Variants in RHPN2 observed in about 807,000 individuals in gnomAD.
The protein encoded by RHPN2 is rhophilin-2.
In RHPN2, 40 loss-of-function variants were observed where a neutral mutation model predicts 79.0. The observed-to-expected ratio is 0.51, with a 90% CI of 0.39 to 0.66. The LOEUF (loss-of-function observed/expected upper bound fraction) is 0.66, where lower values mean the gene tolerates loss of function less well. Among genes scored for constraint, RHPN2 ranks in the 30% least tolerant of loss-of-function variants. The pLI, the probability that RHPN2 is intolerant of heterozygous loss-of-function variation, is 0.00. For synonymous variants in RHPN2, 285 were observed against 363.5 expected (o/e 0.78, Z 2.46); for missense variants, 686 against 883.5 (o/e 0.78, Z 2.83).
intron 7 of RHPN2, among the ~76,000 whole-genome samples, chr19:33,006,024 C>G (rs1476837131): frequency 6.6e-6 from 1 of 152,020 alleles, no homozygotes; most frequent in Non-Finnish European, 1.5e-5. Context: ...AGACTACAGG[C>G]ATGCACCACC....
intron 2 of RHPN2, among the ~76,000 whole-genome samples, chr19:33,030,887 C>T (rs1223155734): frequency 6.6e-6 from 1 of 152,214 alleles, no homozygotes. Flanking sequence ...AGGCTGCCCC[C>T]ATTTTAGGGA....
At chr19:33,064,509 C>T (rs968550252) in intron 1 of RHPN2, among the ~76,000 whole-genome samples, 1 of 152,190 alleles carries the variant, frequency 6.6e-6, no homozygotes, top group African/African-American at 2.4e-5. Context: ...ACCCAAGCAC[C>T]CCTCCAGGTC....
At chr19:33,026,759 C>T (rs905983544) in intron 2 of RHPN2, 127 bp from the exon 3 acceptor site, 18 of 1,118,960 alleles carry the variant, frequency 1.6e-5, no homozygotes, top group Middle Eastern at 2.6e-4. Context: ...CCAGGAGTGT[C>T]GGTTAAGGTA....
At chr19:33,009,870 C>T (rs1433265120) in intron 6 of RHPN2, among the ~76,000 whole-genome samples, 1 of 152,122 alleles carries the variant, frequency 6.6e-6, no homozygotes, top group Non-Finnish European at 1.5e-5. Context: ...CCTCCACTTC[C>T]CGGATTCAAG....
At position 33,012,666 on chromosome 19, in the gene RHPN2, T is replaced by A. The variant is rs778470982; in HGVS notation, c.449A>T (p.Asp150Val). The A allele has an allele frequency of 1.2e-6, 2 of 1,608,328 alleles. No homozygotes were observed. The highest frequency in any genetic ancestry group is 3.3e-5 in the Admixed American group (2 of 59,982). The change falls in exon 5 of 15, where the codon GAT (aspartate) becomes GTT (valine). Residue 150 changes from aspartate to valine, a missense_variant. Transcript: ENST00000254260. ...DGYLYEDEIA[D>V]LMDLRQACRT... is the part of the protein sequence containing the mutation. ...ACTTACTTGTCTCAGATCCATAAGA[T>A]CTGCAATTTCATCTTCATATAAATA...
At chr19:33,011,828 G>A (rs768562792) in intron 5 of RHPN2, 25 bp from the exon 6 acceptor site, 20 of 1,613,724 alleles carry the variant, frequency 1.2e-5, no homozygotes, top group South Asian at 1.2e-4. Flanking sequence ...ACCCAAGAGG[G>A]CATGAGCAGA....
At chr19:33,055,068 T>C (rs1429092761) in intron 1 of RHPN2, among the ~76,000 whole-genome samples, 1 of 152,202 alleles carries the variant, frequency 6.6e-6, no homozygotes, top group East Asian at 1.9e-4. Context: ...CTTTAAGATC[T>C]GGCTTAGGGC....
intron 11 of RHPN2, among the ~76,000 whole-genome samples, chr19:32,994,398 A>G (rs115742337): frequency 0.34 from 22,351 of 65,606 alleles, 1,689 homozygotes; most frequent in African/African-American, 0.44. Flanking sequence ...TCCGGGGGGA[A>G]AAAAAAAGTG....
chr19:33,045,088 C>T (rs985461657), intron 1 of RHPN2, among the ~76,000 whole-genome samples: 19 of 142,428 alleles, frequency 1.3e-4, no homozygotes, highest in East Asian at 4.2e-4. Flanking sequence ...AGTCTCGCTG[C>T]GTGCCTAGGA....
rs1184172670 is a variant in RHPN2, at chr19:33,064,818, G to T, written c.35C>A (p.Pro12Gln). The change falls in exon 1 of 15, where the codon CCG (proline) becomes CAG (glutamine). Residue 12 changes from proline (P) to glutamine (Q), a missense_variant. Transcript: ENST00000254260. Reference protein sequence around the residue: ...TDALLPAAPQPLEKENDGYFR... With the variant: ...TDALLPAAPQQLEKENDGYFR... ...GTAGCCGTCGTTCTCCTTCTCCAGC[G>T]GCTGGGGGGCCGCGGGCAACAGCGC... The T allele has an allele frequency of 7.4e-7, 1 of 1,358,492 alleles. No homozygotes were observed. The highest frequency in any genetic ancestry group is 1.6e-5 in the African/African-American group (1 of 62,638). The allele number at this position is 1,358,492 out of a possible 1,614,324, so 84.2% of individuals were successfully genotyped here.
intron 2 of RHPN2, among the ~76,000 whole-genome samples, chr19:33,034,605 CAA>C (rs71176187): frequency 3.1e-5 from 3 of 95,686 alleles, no homozygotes; most frequent in South Asian, 4.7e-4. Flanking sequence ...GACTCCGTCT[CAA>C]AAAAAAAAAA....
chr19:33,036,846 G>A (rs1972060670), intron 2 of RHPN2, among the ~76,000 whole-genome samples: 2 of 151,348 alleles, frequency 1.3e-5, no homozygotes, highest in African/African-American at 4.9e-5. Context: ...GCAGGGCTCA[G>A]CACCTGTAGC....
At chr19:32,998,151 A>G (rs550942711) in intron 10 of RHPN2, among the ~76,000 whole-genome samples, 2 of 152,294 alleles carry the variant, frequency 1.3e-5, no homozygotes, top group East Asian at 3.9e-4. Context: ...TCTGGGTCTC[A>G]GTTTCCTCAG....
intron 6 of RHPN2, 118 bp from the exon 7 acceptor site, chr19:33,008,298 C>G: frequency 2.9e-6 from 3 of 1,031,016 alleles, no homozygotes; most frequent in Admixed American, 2.1e-5. Flanking sequence ...GTTGCCCAGG[C>G]TGGAGTGCAG....
chr19:33,052,522 C>G (rs190038088), intron 1 of RHPN2, among the ~76,000 whole-genome samples: 39 of 152,322 alleles, frequency 2.6e-4, no homozygotes, highest in African/African-American at 8.7e-4. Flanking sequence ...TTCCTGGTTA[C>G]GCAATCCCTC....
At chr19:33,016,649 C>G (rs1192220274) in intron 4 of RHPN2, among the ~76,000 whole-genome samples, 1 of 152,030 alleles carries the variant, frequency 6.6e-6, no homozygotes, top group African/African-American at 2.4e-5. Context: ...CCACTGCACT[C>G]CAGCCTGGGC....
chr19:33,031,093 G>A (rs963992987), intron 2 of RHPN2, among the ~76,000 whole-genome samples: 27 of 152,068 alleles, frequency 1.8e-4, no homozygotes, highest in African/African-American at 5.8e-4. Flanking sequence ...AGGTGTACAC[G>A]GCAAGTTATG....
At chr19:33,026,154 T>C (rs1384073167) in intron 3 of RHPN2, among the ~76,000 whole-genome samples, 2 of 146,754 alleles carry the variant, frequency 1.4e-5, no homozygotes, top group African/African-American at 5.0e-5. Flanking sequence ...CGCCTGGCTA[T>C]TTTTTTTTTT....
intron 14 of RHPN2, among the ~76,000 whole-genome samples, chr19:32,990,165 G>GAAAGAA (rs373722067): frequency 2.0e-5 from 3 of 149,630 alleles, no homozygotes; most frequent in Admixed American, 6.7e-5. Flanking sequence ...AAGAAAGAAA[G>GAAAGAA]AGCGAGCCAG....
Sources: allele counts gnomAD v4.1 joint callset (sites outside exome capture counted in the v4.1 genomes callset), GRCh38; gene constraint gnomAD v4.1.1; transcripts MANE v1.5; gene names NCBI Gene and HGNC (gene_info 2026-07-23, HGNC 2026-07-21).